ALOX15B: variants seen among roughly 807,000 people sequenced by gnomAD.
ALOX15B encodes the protein arachidonate 15-lipoxygenase type B, also known as polyunsaturated fatty acid lipoxygenase ALOX15B.
ALOX15B carries 74 observed loss-of-function variants against 73.8 expected under a neutral mutation model. The observed-to-expected ratio is 1.00, with a 90% confidence interval of 0.83 to 1.22. The LOEUF is 1.22. Ranked by LOEUF, ALOX15B falls within the 50% of genes most tolerant of loss-of-function variation. The probability of loss-of-function intolerance (pLI) is 0.00; values close to 1 mark genes in which losing one functional copy is unlikely to be tolerated. For missense variants in ALOX15B, 896 were observed against 859.9 expected (o/e 1.04, Z -0.52); for synonymous variants, 353 against 357.2 (o/e 0.99, Z 0.13).
chr17:8,044,010 C>A (rs4792145), intron 5 of ALOX15B, among the ~76,000 whole-genome samples: 88,160 of 150,836 alleles, frequency 0.58, 27,655 homozygotes, highest in African/African-American at 0.83. Flanking sequence ...TGGAGGTTGC[C>A]CTGAGCCAAG....
chr17:8,042,565 C>T (rs1293404266), intron 4 of ALOX15B, 74 bp downstream of exon 4: 14 of 1,568,540 alleles, frequency 8.9e-6, no homozygotes, highest in African/African-American at 1.3e-5. Flanking sequence ...CTCCCCTAGT[C>T]AGTTCCCCCA....
chr17:8,041,521 G>A (rs530989435), intron 3 of ALOX15B, among the ~76,000 whole-genome samples: 13 of 152,332 alleles, frequency 8.5e-5, no homozygotes, highest in Non-Finnish European at 1.9e-4. Flanking sequence ...CTATGTGAGA[G>A]GGATTCAAGT....
rs1211087654 is a variant in ALOX15B at position 8,039,930 on chromosome 17, T to C, written c.396T>C (p.Pro132=). The change falls in exon 3 of 14, where the codon CCT becomes CCC. Residue 132 remains proline, a synonymous_variant. Transcript: ENST00000380183. The stretch of plus-strand genomic sequence containing the variant: ...AGGTGTCCTGGGCAGACCACCACCC[T>C]GTGCTCCAGCAACAGCGCCAGGAGG... ...TAKVSWADHH[P]VLQQQRQEEL... The C allele has an allele frequency of 1.2e-5, 19 of 1,613,012 alleles. No individual in the cohort carries two copies. The highest frequency in any genetic ancestry group is 1.6e-5 in the Non-Finnish European group (19 of 1,179,562).
Position 8,039,572 on chromosome 17 carries a change from G to C in ALOX15B, c.334G>C (p.Gly112Arg). ...LLFPCYQWLE[G>R]AGTLVLQEGT... The stretch of plus-strand genomic sequence containing the variant: ...CTTCCCCTGCTACCAGTGGCTGGAG[G>C]GGGCGGGGACCCTGGTGCTGCAGGA... The change falls in exon 2 of 14, where the codon GGG becomes CGG. Residue 112 changes from glycine (G) to arginine (R), a missense_variant. By Grantham distance (125) the Gly-to-Arg change is moderately radical. Transcript: ENST00000380183. The C allele has an allele frequency of 6.5e-7, 1 of 1,536,494 alleles. No individual in the cohort carries two copies. Among genetic ancestry groups the C allele is most frequent in the Admixed American group, 2.0e-5 (1 of 51,062 alleles).
At chr17:8,043,109 A>G (rs1334206528) in intron 5 of ALOX15B, among the ~76,000 whole-genome samples, 1 of 152,202 alleles carries the variant, frequency 6.6e-6, no homozygotes, top group East Asian at 1.9e-4. Flanking sequence ...GCTACATATC[A>G]GACACCGGGT....
At position 8,047,287 on chromosome 17, in the gene ALOX15B, AC is replaced by A. The variant is rs773848539; in HGVS notation, c.1490del (p.Pro497GlnfsTer25). ...RFVSEIIGIY[Y>X]PSDESVQDDR... ...GTCTCTGAAATCATCGGTATCTACTACCCAAGTGATGAGTCTGTCCAAGATG... is the reference window on the plus strand; with the variant it reads ...GTCTCTGAAATCATCGGTATCTACTACCAAGTGATGAGTCTGTCCAAGATG... On this transcript the variant is annotated frameshift_variant, in exon 11 of 14. Transcript: ENST00000380183. LOFTEE classifies it high-confidence loss of function. 87 of 1,613,874 alleles carry A rather than the reference AC, an allele frequency of 5.4e-5. No individual in the cohort carries two copies. The highest frequency in any genetic ancestry group is 7.2e-5 in the Non-Finnish European group (85 of 1,179,980).
At position 8,041,076 on chromosome 17, in the gene ALOX15B, T is replaced by C. The variant is rs372961147; in HGVS notation, c.449+1093T>C. ...AGGCTCATTTGGTTCCTGGTGATTC[T>C]CCATGTGTCATGAATTCCACCCCTA... On this transcript the variant is annotated intron_variant, in intron 3 of 13. Transcript: ENST00000380183. Among the ~76,000 whole-genome samples the C allele has an allele frequency of 9.2e-5, 14 of 152,310 alleles. 2 individuals carry two copies. Among genetic ancestry groups the C allele is most frequent in the East Asian group, 1.9e-4 (1 of 5,192 alleles).
Position 8,047,667 on chromosome 17 carries a change from G to A in ALOX15B, c.1680+3G>A, listed in dbSNP as rs1474830814. ...ATGCGGCTGTCAGTGCAGGGCAGGT[G>A]AGGAAAGGCCAGCGCCCGAGGTGGC... On this transcript the variant is annotated splice_donor_region_variant and intron_variant, in intron 12 of 13. Transcript: ENST00000380183. The A allele has an allele frequency of 6.2e-7, 1 of 1,612,798 alleles. No individual in the cohort carries two copies. Among genetic ancestry groups the A allele is most frequent in the Admixed American group, 1.7e-5 (1 of 59,832 alleles).
At chr17:8,044,103 GAGAGGAAGGA>G (rs1265311329) in intron 5 of ALOX15B, among the ~76,000 whole-genome samples, 2 of 140,766 alleles carry the variant, frequency 1.4e-5, no homozygotes, top group Non-Finnish European at 3.1e-5. Flanking sequence ...GAGAGAGAGA[GAGAGGAAGGA>G]AGGAAGGAAG....
intron 3 of ALOX15B, among the ~76,000 whole-genome samples, chr17:8,040,652 A>AAAGAAAG (rs200945787): frequency 0.052 from 5,042 of 96,874 alleles, 130 homozygotes; most frequent in East Asian, 0.088. Context: ...AGAAAGAAAG[A>AAAGAAAG]AAAGAAAGAG....
intron 3 of ALOX15B, among the ~76,000 whole-genome samples, chr17:8,042,062 A>C (rs1976477878): frequency 6.6e-6 from 1 of 152,208 alleles, no homozygotes; most frequent in African/African-American, 2.4e-5. Context: ...ATATCCAGAG[A>C]GAGACCACCT....
At chr17:8,040,342 C>T (rs932629477) in intron 3 of ALOX15B, among the ~76,000 whole-genome samples, 1 of 151,760 alleles carries the variant, frequency 6.6e-6, no homozygotes, top group East Asian at 1.9e-4. Context: ...GTCGGGAGTT[C>T]GAGACCAGCC....
At chr17:8,040,561 A>AT (rs1567969451) in intron 3 of ALOX15B, among the ~76,000 whole-genome samples, 1 of 146,338 alleles carries the variant, frequency 6.8e-6, no homozygotes, top group African/African-American at 2.6e-5. Context: ...AAAAAAAAAA[A>AT]GGAAGGAAGG....
intron 7 of ALOX15B, 28 bp downstream of exon 7, chr17:8,045,412 C>G (rs368336031): frequency 3.7e-6 from 6 of 1,613,716 alleles, no homozygotes; most frequent in Non-Finnish European, 5.1e-6. Context: ...GGCAGGGCAG[C>G]GTGAAGAAGA....
chr17:8,045,813 T>C (rs1326803800), intron 8 of ALOX15B, 127 bp downstream of exon 8: 4 of 1,042,124 alleles, frequency 3.8e-6, no homozygotes, highest in Non-Finnish European at 5.6e-6. Context: ...CAGCAGCATC[T>C]CCTGGCACAA....
intron 2 of ALOX15B, 56 bp downstream of exon 2, chr17:8,039,661 TG>T: frequency 1.4e-6 from 1 of 700,900 alleles, no homozygotes; most frequent in Non-Finnish European, 2.2e-6. Context: ...GGTAGGGGAC[TG>T]GGGGTTGGGG....
In ALOX15B at chr17:8,047,172, G is replaced by A. The variant is rs939967532; in HGVS notation, c.1458-86G>A. The A allele has an allele frequency of 1.6e-4, 261 of 1,606,908 alleles. 1 individual carries two copies. Among genetic ancestry groups the A allele is most frequent in the Middle Eastern group, 1.7e-4 (1 of 6,048 alleles). On this transcript the variant is annotated intron_variant, in intron 10 of 13. Transcript: ENST00000380183. ...CCAGGGAGGCTCACGTTGAGGAGGA[G>A]GGCCAGACATTCATGATGCTAAGCA...
intron 2 of ALOX15B, 115 bp from the exon 3 acceptor site, chr17:8,039,787 T>C: frequency 4.8e-6 from 6 of 1,245,290 alleles, no homozygotes; most frequent in Non-Finnish European, 1.1e-6. Context: ...TAGGAGAAAC[T>C]GTACTTATGG....
At chr17:8,040,571 G>A (rs1321083834) in intron 3 of ALOX15B, among the ~76,000 whole-genome samples, 1 of 127,308 alleles carries the variant, frequency 7.9e-6, no homozygotes, top group African/African-American at 3.5e-5. Flanking sequence ...AGGAAGGAAG[G>A]AAAAGGAAGG....
Sources: allele counts gnomAD v4.1 joint callset (sites outside exome capture counted in the v4.1 genomes callset), GRCh38; gene constraint gnomAD v4.1.1; transcripts MANE v1.5; gene names NCBI Gene and HGNC (gene_info 2026-07-23, HGNC 2026-07-21).